Variants in CNTN4 observed in about 807,000 individuals in gnomAD.
The protein encoded by CNTN4 is contactin-4.
A neutral mutation model predicts 122.5 loss-of-function variants in CNTN4; 77 were observed. That is an observed-to-expected ratio of 0.63 (90% CI 0.52 to 0.76). The LOEUF (loss-of-function observed/expected upper bound fraction) is 0.76. Ranked by LOEUF, CNTN4 falls within the 30% of genes least tolerant of loss-of-function variation. The pLI, the probability that CNTN4 is intolerant of heterozygous loss-of-function variation, is 0.00. For synonymous variants in CNTN4, 512 were observed against 447.0 expected, an observed-to-expected ratio of 1.15 and a Z score of -1.83; for missense variants, 1,256 against 1,259.1, an observed-to-expected ratio of 1.00 and a Z score of 0.04.
At chr3:2,757,968 T>C (rs536878880) in intron 6 of CNTN4, among the ~76,000 whole-genome samples, 5 of 152,340 alleles carry the variant, frequency 3.3e-5, no homozygotes, top group African/African-American at 1.2e-4. Flanking sequence ...AATACTTGCA[T>C]TGTTATCTGT....
intron 6 of CNTN4, among the ~76,000 whole-genome samples, chr3:2,797,683 T>G (rs2092231797): frequency 6.6e-6 from 1 of 152,242 alleles, no homozygotes; most frequent in Non-Finnish European, 1.5e-5. Flanking sequence ...CTGCAAAGTT[T>G]TTTTGTGCAG....
intron 4 of CNTN4, among the ~76,000 whole-genome samples, chr3:2,575,564 T>C (rs2079623497): frequency 6.6e-6 from 1 of 152,068 alleles, no homozygotes; most frequent in African/African-American, 2.4e-5. Flanking sequence ...ACCTTAGGGC[T>C]TTTATACTAA....
chr3:2,528,737 T>G (rs957708690), intron 3 of CNTN4, among the ~76,000 whole-genome samples: 10 of 152,090 alleles, frequency 6.6e-5, no homozygotes, highest in Non-Finnish European at 1.2e-4. Flanking sequence ...AATATTAGCC[T>G]TTAAAAAACT....
intron 2 of CNTN4, among the ~76,000 whole-genome samples, chr3:2,172,343 C>G (rs562702890): frequency 9.2e-5 from 14 of 152,064 alleles, no homozygotes; most frequent in Middle Eastern, 3.4e-3. Context: ...TAAGTGGGAG[C>G]CAAGCTATGA....
At chr3:2,758,864 A>C (rs1012063035) in intron 6 of CNTN4, among the ~76,000 whole-genome samples, 1 of 152,008 alleles carries the variant, frequency 6.6e-6, no homozygotes. Context: ...CATACAATTC[A>C]TTCATTTAAG....
intron 6 of CNTN4, among the ~76,000 whole-genome samples, chr3:2,806,087 A>T (rs150320522): frequency 0.02 from 2,998 of 152,024 alleles, 52 homozygotes; most frequent in South Asian, 0.037. Flanking sequence ...ATTTTCAGAG[A>T]GACGGGGGTC....
chr3:2,426,407 C>G (rs1032128872), intron 3 of CNTN4, among the ~76,000 whole-genome samples: 27 of 152,158 alleles, frequency 1.8e-4, no homozygotes, highest in African/African-American at 6.5e-4. Flanking sequence ...CCTTGCATCC[C>G]AGGGATGAAA....
chr3:2,780,218 A>G (rs1043727766), intron 6 of CNTN4, among the ~76,000 whole-genome samples: 2 of 152,216 alleles, frequency 1.3e-5, no homozygotes, highest in Non-Finnish European at 2.9e-5. Context: ...AAGTATTTCC[A>G]ATTTAGCTGT....
intron 13 of CNTN4, among the ~76,000 whole-genome samples, chr3:2,987,010 C>A (rs77867045): frequency 6.6e-6 from 1 of 152,080 alleles, no homozygotes; most frequent in Non-Finnish European, 1.5e-5. Flanking sequence ...GGAGAACCAC[C>A]GTAAACAGTG....
chr3:2,967,201 G>A (rs574536114), intron 13 of CNTN4, among the ~76,000 whole-genome samples: 3 of 152,246 alleles, frequency 2.0e-5, no homozygotes, highest in East Asian at 1.9e-4. Flanking sequence ...ATAGGAAGTC[G>A]TAGCTGTCTT....
At chr3:2,360,989 T>C (rs9862494) in intron 3 of CNTN4, among the ~76,000 whole-genome samples, 13,391 of 152,230 alleles carry the variant, frequency 0.088, 992 homozygotes, top group African/African-American at 0.2. Context: ...CTGATTGTTA[T>C]AAATGTTCAC....
At chr3:2,676,125 C>A (rs1300679204) in intron 4 of CNTN4, among the ~76,000 whole-genome samples, 1 of 152,030 alleles carries the variant, frequency 6.6e-6, no homozygotes, top group African/African-American at 2.4e-5. Flanking sequence ...CCACTTTTAT[C>A]CCTCCCTCCT....
At chr3:2,700,191 G>A (rs775543607) in intron 4 of CNTN4, among the ~76,000 whole-genome samples, 13 of 152,230 alleles carry the variant, frequency 8.5e-5, no homozygotes, top group African/African-American at 1.4e-4. Context: ...ATACAAAGCC[G>A]TTCTTAGACT....
At chr3:2,865,169 A>G (rs2093710971) in intron 7 of CNTN4, among the ~76,000 whole-genome samples, 1 of 152,230 alleles carries the variant, frequency 6.6e-6, no homozygotes, top group Non-Finnish European at 1.5e-5. Flanking sequence ...TGACATGCAC[A>G]TGCGTAAATA....
At chr3:2,556,542 A>G (rs1005006683) in intron 3 of CNTN4, among the ~76,000 whole-genome samples, 3 of 152,084 alleles carry the variant, frequency 2.0e-5, no homozygotes, top group Non-Finnish European at 2.9e-5. Context: ...GTTTTTATAA[A>G]CCATTTTCTT....
Position 2,285,591 on chromosome 3 carries a change from A to C in CNTN4, c.-144-53587A>C, listed in dbSNP as rs746359480. 2.8e-4 allele frequency among the ~76,000 whole-genome samples: 43 copies of C among 152,234 alleles called. 1 individual carries two copies. The highest frequency in any genetic ancestry group is 3.2e-4 in the Non-Finnish European group (22 of 67,964). Reference sequence around the variant, plus strand: ...AAAATGAGAGCCTTCTCATATTAAAAAATATCGTTTCTTCTCCTACCCCTT... The same window carrying C: ...AAAATGAGAGCCTTCTCATATTAAACAATATCGTTTCTTCTCCTACCCCTT... On this transcript the variant is annotated intron_variant, in intron 2 of 24. Transcript: ENST00000418658.
At chr3:2,351,558 C>T (rs184059708) in intron 3 of CNTN4, among the ~76,000 whole-genome samples, 1 of 152,172 alleles carries the variant, frequency 6.6e-6, no homozygotes, top group East Asian at 1.9e-4. Context: ...TCTCACTTAT[C>T]CCCCTTTATC....
intron 2 of CNTN4, among the ~76,000 whole-genome samples, chr3:2,284,536 C>T (rs2041836452): frequency 6.6e-6 from 1 of 151,890 alleles, no homozygotes; most frequent in African/African-American, 2.4e-5. Flanking sequence ...TGAATTTAAT[C>T]AAATTTTTAT....
intron 3 of CNTN4, among the ~76,000 whole-genome samples, chr3:2,523,411 A>G (rs1375350269): frequency 6.6e-6 from 1 of 151,280 alleles, no homozygotes; most frequent in Admixed American, 6.6e-5. Context: ...GACAGCTGTC[A>G]TGGGAATGGG....
Sources: allele counts gnomAD v4.1 joint callset (sites outside exome capture counted in the v4.1 genomes callset), GRCh38; gene constraint gnomAD v4.1.1; transcripts MANE v1.5; gene names NCBI Gene and HGNC (gene_info 2026-07-23, HGNC 2026-07-21).